UTRN: variants seen among roughly 807,000 people sequenced by gnomAD.
The protein encoded by UTRN is utrophin.
In UTRN, 283 loss-of-function variants were observed where a neutral mutation model predicts 463.9. The ratio of observed to expected loss-of-function variants is 0.61; its 90% CI spans 0.55 to 0.67. UTRN has a LOEUF of 0.67. Ranked by LOEUF, UTRN falls within the 30% of genes least tolerant of loss-of-function variation. The pLI, the probability that UTRN is intolerant of heterozygous loss-of-function variation, is 0.00. For synonymous variants in UTRN, 1,442 were observed against 1,431.5 expected, an observed-to-expected ratio of 1.01 and a Z score of -0.17; for missense variants, 3,922 against 4,084.3, an observed-to-expected ratio of 0.96 and a Z score of 1.08.
At chr6:144,695,153 T>TA (rs1783858062) in intron 52 of UTRN, among the ~76,000 whole-genome samples, 1 of 152,142 alleles carries the variant, frequency 6.6e-6, no homozygotes, top group Admixed American at 6.5e-5. Context: ...CATAATTTTT[T>TA]AAAAAGAAAA....
chr6:144,835,424 G>T (rs944971842), intron 69 of UTRN, among the ~76,000 whole-genome samples: 1 of 152,206 alleles, frequency 6.6e-6, no homozygotes, highest in African/African-American at 2.4e-5. Context: ...TCTTAATTCA[G>T]TAGTCTTTTA....
At chr6:144,447,810 G>T in intron 16 of UTRN, 29 bp downstream of exon 16, 1 of 1,558,928 alleles carries the variant, frequency 6.4e-7, no homozygotes, top group South Asian at 1.2e-5. Context: ...CATATGTTGT[G>T]CCATGAAGTA....
At chr6:144,547,622 GTCTCTGCCAAGGTCAGA>G (rs1356976658) in intron 46 of UTRN, among the ~76,000 whole-genome samples, 6 of 152,080 alleles carry the variant, frequency 3.9e-5, no homozygotes, top group Non-Finnish European at 7.4e-5. Flanking sequence ...CTGTAATTCA[GTCTCTGCCAAGGTCAGA>G]TTTCTCTGCC....
At chr6:144,849,028 G>A (rs184792415) in intron 74 of UTRN, among the ~76,000 whole-genome samples, 89 of 152,188 alleles carry the variant, frequency 5.8e-4, no homozygotes, top group Non-Finnish European at 1.1e-3. Context: ...GAAGTGCTGT[G>A]TGAGAGGGTT....
rs1554422538 is a variant in UTRN, at chr6:144,852,787, G to A, written c.*1790G>A. 6.6e-6 allele frequency: 1 copy of A among 152,506 alleles called. No individual in the cohort carries two copies. The highest frequency in any genetic ancestry group is 1.5e-5 in the Non-Finnish European group (1 of 68,002). The allele number at this position is 152,506 out of a possible 1,614,324, so 9.4% of individuals were successfully genotyped here. On this transcript the variant is annotated 3_prime_UTR_variant, in exon 75 of 75. Coordinates refer to ENST00000367545, the MANE Select transcript of UTRN (RefSeq NM_007124.3). The stretch of plus-strand genomic sequence containing the variant: ...CCTTGTTCTTACTTTAAAAAGTCAT[G>A]TGTTAATTTTTTTTCTGCCTGTATT...
rs1252474880 is a variant in UTRN, at chr6:144,539,412, G to C, written c.6488G>C (p.Ser2163Thr). 2 of 1,611,624 alleles carry C rather than the reference G, an allele frequency of 1.2e-6. No individual in the cohort carries two copies. The highest frequency in any genetic ancestry group is 3.4e-5 in the Admixed American group (2 of 59,694). ...CCTGAAAGGGATAAAATTTCAGAAA[G>C]CTTAAGGACTGTAAATATGACATGG... ...SLPERDKISE[S>T]LRTVNMTWNK... Residue 2163 changes from serine (S) to threonine (T), a missense_variant, in exon 45 of 75, where the codon AGC becomes ACC. By Grantham distance (58) the Ser-to-Thr change is moderately conservative (BLOSUM62 1). Coordinates refer to ENST00000367545, the MANE Select transcript of UTRN (RefSeq NM_007124.3).
intron 51 of UTRN, among the ~76,000 whole-genome samples, chr6:144,597,819 AGCTGGT>A (rs1803814908): frequency 2.0e-5 from 3 of 152,344 alleles, no homozygotes; most frequent in Non-Finnish European, 2.9e-5. Context: ...CATTACTTAA[AGCTGGT>A]GCTTTATAAT....
At chr6:144,426,220 C>A in intron 6 of UTRN, 67 bp from the exon 7 acceptor site, 1 of 1,528,242 alleles carries the variant, frequency 6.5e-7, no homozygotes, top group Non-Finnish European at 8.8e-7. Context: ...TCAAGGACTT[C>A]ATTGAAGTAA....
At chr6:144,631,291 A>G (rs1211490284) in intron 51 of UTRN, among the ~76,000 whole-genome samples, 4 of 149,210 alleles carry the variant, frequency 2.7e-5, no homozygotes, top group Non-Finnish European at 6.0e-5. Context: ...TTTGAAGATG[A>G]CTTGGAACTA....
At chr6:144,761,744 A>G (rs1792714159) in intron 58 of UTRN, among the ~76,000 whole-genome samples, 1 of 152,172 alleles carries the variant, frequency 6.6e-6, no homozygotes, top group East Asian at 1.9e-4. Flanking sequence ...ATCTGCCATA[A>G]AAGCCAGATA....
chr6:144,638,280 C>G (rs1482773951), intron 51 of UTRN, among the ~76,000 whole-genome samples: 1 of 152,168 alleles, frequency 6.6e-6, no homozygotes, highest in Non-Finnish European at 1.5e-5. Flanking sequence ...GGAAGATAAG[C>G]TCTTGAGCAT....
intron 53 of UTRN, among the ~76,000 whole-genome samples, chr6:144,716,332 T>C (rs1786447551): frequency 6.6e-6 from 1 of 152,138 alleles, no homozygotes; most frequent in Non-Finnish European, 1.5e-5. Context: ...CTTTGAATGC[T>C]AGTTGAGTTG....
chr6:144,689,613 G>A (rs985011920), intron 52 of UTRN, among the ~76,000 whole-genome samples: 2 of 152,202 alleles, frequency 1.3e-5, no homozygotes, highest in Non-Finnish European at 2.9e-5. Context: ...GGCTGGTGCA[G>A]GGGGAATGTC....
In UTRN at chr6:144,445,657, A is replaced by G. The variant is rs77735704; in HGVS notation, c.1614+1275A>G. 5.7e-3 allele frequency among the ~76,000 whole-genome samples: 869 copies of G among 152,006 alleles called. 17 individuals are homozygous for G. The East Asian group carries it at 0.07, about 12-fold the overall frequency. On this transcript the variant is annotated intron_variant, in intron 14 of 74. Coordinates refer to ENST00000367545, the MANE Select transcript of UTRN (RefSeq NM_007124.3). ...GAAATGTTTACATTTCATGTTACAA[A>G]TATTTACATTTCACTTTATAAATAT...
chr6:144,330,689 T>G (rs1033322860), intron 2 of UTRN: 5 of 375,440 alleles, frequency 1.3e-5, no homozygotes, highest in African/African-American at 1.1e-4. Context: ...GTCTTCAGAT[T>G]TTAAGGCGAC....
intron 25 of UTRN, among the ~76,000 whole-genome samples, chr6:144,478,130 T>C (rs918451552): frequency 6.6e-6 from 1 of 152,172 alleles, no homozygotes; most frequent in African/African-American, 2.4e-5. Flanking sequence ...TTCATTTTGC[T>C]AAAAAGAACA....
chr6:144,811,132 A>G (rs780559847), intron 65 of UTRN, among the ~76,000 whole-genome samples: 7 of 152,086 alleles, frequency 4.6e-5, no homozygotes, highest in Non-Finnish European at 8.8e-5. Context: ...ACTATATGCC[A>G]TTGGCAAAAA....
intron 7 of UTRN, 44 bp downstream of exon 7, chr6:144,426,503 T>C: frequency 6.4e-7 from 1 of 1,558,986 alleles, no homozygotes; most frequent in Non-Finnish European, 8.7e-7. Flanking sequence ...CAAATTCATG[T>C]CTCCTCTCTG....
chr6:144,315,553 C>T (rs1775227239), intron 2 of UTRN, among the ~76,000 whole-genome samples: 1 of 152,242 alleles, frequency 6.6e-6, no homozygotes, highest in African/African-American at 2.4e-5. Context: ...AGTGCTGCTG[C>T]TGGGCATTAT....
Sources: gnomAD v4.1 joint callset for allele counts (sites outside exome capture counted in the v4.1 genomes callset) on GRCh38, gnomAD v4.1.1 for gene constraint, MANE v1.5 for transcripts, NCBI Gene and HGNC (gene_info 2026-07-23, HGNC 2026-07-21) for gene names.